SCAPER: variants seen among roughly 807,000 people sequenced by gnomAD.
SCAPER encodes the protein S-phase cyclin A associated protein in the ER.
A neutral mutation model predicts 182.2 loss-of-function variants in SCAPER; 98 were observed. That is an observed-to-expected ratio of 0.54 (90% CI 0.46 to 0.64). The LOEUF (loss-of-function observed/expected upper bound fraction) is 0.64. Ranked by LOEUF, SCAPER falls within the 30% of genes least tolerant of loss-of-function variation. SCAPER has a pLI of 0.00. For missense variants in SCAPER, 1,432 were observed against 1,690.0 expected, an observed-to-expected ratio of 0.85 and a Z score of 2.68; for synonymous variants, 605 against 564.6, an observed-to-expected ratio of 1.07 and a Z score of -1.01.
At chr15:76,856,730 C>T (rs2071413500) in intron 4 of SCAPER, among the ~76,000 whole-genome samples, 1 of 151,852 alleles carries the variant, frequency 6.6e-6, no homozygotes, top group Non-Finnish European at 1.5e-5. Flanking sequence ...TAGCCAGGCA[C>T]AGTGGTGTAC....
chr15:76,550,320 A>T (rs563148068), intron 23 of SCAPER, among the ~76,000 whole-genome samples: 1 of 152,278 alleles, frequency 6.6e-6, no homozygotes, highest in Non-Finnish European at 1.5e-5. Flanking sequence ...CCCAGCATGC[A>T]TTAGCTATTT....
Position 76,354,267 on chromosome 15 carries a change from C to A in SCAPER, c.3856-127G>T, listed in dbSNP as rs1430523686. 5 of 708,948 alleles carry A rather than the reference C, an allele frequency of 7.1e-6. No homozygotes were observed. The highest frequency in any genetic ancestry group is 1.9e-5 in the African/African-American group (1 of 53,064). 43.9% of individuals were successfully genotyped at this position (708,948 alleles called of 1,614,324 possible). On this transcript the variant is annotated intron_variant, in intron 29 of 31. Coordinates refer to ENST00000563290, the MANE Select transcript of SCAPER (RefSeq NM_020843.4). The surrounding 1 kb of genome is among the most constrained non-coding windows in gnomAD (Gnocchi z 4.4). Reference sequence around the variant, plus strand: ...AGTGTAAAGAAAAAGACTCCTGACTCCGTACCAGAGCTTAATTTAAGTGAT... The same window carrying A: ...AGTGTAAAGAAAAAGACTCCTGACTACGTACCAGAGCTTAATTTAAGTGAT...
chr15:76,699,892 G>A (rs920682224), intron 20 of SCAPER, among the ~76,000 whole-genome samples: 4 of 152,204 alleles, frequency 2.6e-5, no homozygotes, highest in Admixed American at 2.6e-4. Flanking sequence ...TGGCAACGGA[G>A]TCCATACCTG....
chr15:76,819,981 T>G (rs2067397180), intron 5 of SCAPER, among the ~76,000 whole-genome samples: 1 of 152,060 alleles, frequency 6.6e-6, no homozygotes, highest in Non-Finnish European at 1.5e-5. Context: ...AAAAGACACA[T>G]GAAAAAATGC....
At chr15:76,787,936 CCAACA>C (rs2064733434) in intron 8 of SCAPER, among the ~76,000 whole-genome samples, 1 of 152,088 alleles carries the variant, frequency 6.6e-6, no homozygotes, top group Admixed American at 6.5e-5. Flanking sequence ...TAGAAAATAT[CCAACA>C]CAACACGAGT....
intron 21 of SCAPER, among the ~76,000 whole-genome samples, chr15:76,624,999 G>A (rs1597774994): frequency 6.6e-6 from 1 of 152,182 alleles, no homozygotes; most frequent in East Asian, 1.9e-4. Context: ...AGGCTTGCAG[G>A]TGGATGAACC....
chr15:76,732,277 T>C (rs935987296), intron 16 of SCAPER, among the ~76,000 whole-genome samples: 1 of 152,130 alleles, frequency 6.6e-6, no homozygotes, highest in East Asian at 1.9e-4. Context: ...TAATAAAATA[T>C]ACAAAATAAG....
At chr15:76,488,262 C>A (rs1437188480) in intron 24 of SCAPER, among the ~76,000 whole-genome samples, 1 of 152,092 alleles carries the variant, frequency 6.6e-6, no homozygotes, top group Non-Finnish European at 1.5e-5. Context: ...TTTTCTTTCA[C>A]ATGGAGAATC....
chr15:76,477,583 G>T (rs2050757391), intron 24 of SCAPER, among the ~76,000 whole-genome samples: 1 of 151,896 alleles, frequency 6.6e-6, no homozygotes, highest in Admixed American at 6.6e-5. Flanking sequence ...AATTTAAACT[G>T]CCCTCCAGAA....
intron 3 of SCAPER, among the ~76,000 whole-genome samples, chr15:76,859,036 A>C (rs1222199165): frequency 6.6e-6 from 1 of 152,220 alleles, no homozygotes; most frequent in Non-Finnish European, 1.5e-5. Flanking sequence ...CAACTCTTTG[A>C]GTAATCACCA....
rs557977373 is a variant in SCAPER at position 76,558,658 on chromosome 15, T to C, written c.2838+15500A>G. On this transcript the variant is annotated intron_variant, in intron 23 of 31. Coordinates refer to ENST00000563290, the MANE Select transcript of SCAPER (RefSeq NM_020843.4). Reference sequence around the variant, plus strand: ...TTAGAACTACCATTTGACGCAGAAATCCCATTATTGGGTGTATTCCCAAAG... The same window carrying C: ...TTAGAACTACCATTTGACGCAGAAACCCCATTATTGGGTGTATTCCCAAAG... Among the ~76,000 whole-genome samples the C allele has an allele frequency of 1.1e-4, 17 of 152,138 alleles. 1 individual carries two copies. Among genetic ancestry groups the C allele is most frequent in the Middle Eastern group, 3.2e-3 (1 of 316 alleles).
intron 22 of SCAPER, among the ~76,000 whole-genome samples, chr15:76,609,546 A>T (rs912276549): frequency 2.6e-5 from 4 of 152,172 alleles, no homozygotes; most frequent in African/African-American, 9.7e-5. Flanking sequence ...CTGTCATTGC[A>T]TGTTGCCCAC....
In SCAPER at chr15:76,611,244, C is replaced by A. The variant is rs1188684500; in HGVS notation, c.2711+10520G>T. Among the ~76,000 whole-genome samples, 9 of 151,396 alleles carry A rather than the reference C, an allele frequency of 5.9e-5. No homozygotes were observed. In the South Asian group the frequency reaches 1.7e-3, roughly 28 times the overall value. On this transcript the variant is annotated intron_variant, in intron 22 of 31. Transcript: ENST00000563290. Reference sequence around the variant, plus strand: ...AATGAAATCGAACACCAGTCTCAAACAATATAGAAAAAAACTCAAAACAGA... The same window carrying A: ...AATGAAATCGAACACCAGTCTCAAAAAATATAGAAAAAAACTCAAAACAGA...
At chr15:76,506,781 T>C (rs1490602725) in intron 23 of SCAPER, among the ~76,000 whole-genome samples, 1 of 152,216 alleles carries the variant, frequency 6.6e-6, no homozygotes, top group Non-Finnish European at 1.5e-5. Flanking sequence ...GATAATCTAA[T>C]ATCTAATCAT....
chr15:76,363,262 T>G (rs555045762), intron 29 of SCAPER, among the ~76,000 whole-genome samples: 1 of 152,286 alleles, frequency 6.6e-6, no homozygotes, highest in Admixed American at 6.5e-5. Context: ...AGGTGTTCAT[T>G]AACTATCTGG....
At chr15:76,401,987 A>G (rs1256233301) in intron 27 of SCAPER, among the ~76,000 whole-genome samples, 2 of 151,936 alleles carry the variant, frequency 1.3e-5, no homozygotes, top group Admixed American at 6.6e-5. Flanking sequence ...ATTAGCCAGG[A>G]GTGGTGGCCT....
chr15:76,375,436 A>T (rs7403276), intron 29 of SCAPER, among the ~76,000 whole-genome samples: 34,002 of 151,884 alleles, frequency 0.22, 4,749 homozygotes, highest in Admixed American at 0.36. Flanking sequence ...AGGAGCCAAG[A>T]ACAGTTTCAT....
chr15:76,694,200 A>T (rs2058530732), intron 20 of SCAPER, among the ~76,000 whole-genome samples: 1 of 152,072 alleles, frequency 6.6e-6, no homozygotes, highest in South Asian at 2.1e-4. Flanking sequence ...ACACTTTAAC[A>T]ATATTAATTC....
intron 22 of SCAPER, chr15:76,586,613 T>C (rs990746966): frequency 1.3e-5 from 2 of 153,160 alleles, no homozygotes; most frequent in African/African-American, 4.8e-5. Context: ...TGTGTATAAA[T>C]GTGTGTGTGT....
Sources: gnomAD v4.1 joint callset for allele counts (sites outside exome capture counted in the v4.1 genomes callset) on GRCh38, gnomAD v4.1.1 for gene constraint, Gnocchi (gnomAD v3.1) non-coding constraint, MANE v1.5 for transcripts, NCBI Gene and HGNC (gene_info 2026-07-23, HGNC 2026-07-21) for gene names.